The following PRKG1 variants were observed in gnomAD, a reference collection of about 807,000 sequenced individuals.
The protein encoded by PRKG1 is cGMP-dependent protein kinase 1.
PRKG1 carries 35 observed loss-of-function variants against 88.1 expected under a neutral mutation model. That is an observed-to-expected ratio of 0.40 (90% confidence interval 0.30 to 0.53). The LOEUF is 0.53. Ranked by LOEUF, PRKG1 falls within the 20% of genes least tolerant of loss-of-function variation. The probability of loss-of-function intolerance (pLI) is 0.59; values close to 1 mark genes in which losing one functional copy is unlikely to be tolerated. For missense variants in PRKG1, 540 were observed against 839.8 expected, an observed-to-expected ratio of 0.64 and a Z score of 4.41; for synonymous variants, 303 against 292.5, an observed-to-expected ratio of 1.04 and a Z score of -0.37.
At chr10:51,618,675 A>G (rs1264470917) in intron 3 of PRKG1, among the ~76,000 whole-genome samples, 1 of 152,194 alleles carries the variant, frequency 6.6e-6, no homozygotes, top group Non-Finnish European at 1.5e-5. Flanking sequence ...TTTATGGGTA[A>G]TAGAGAGCCA....
chr10:51,605,028 G>C (rs767024698), intron 3 of PRKG1, among the ~76,000 whole-genome samples: 83 of 152,328 alleles, frequency 5.4e-4, no homozygotes, highest in Non-Finnish European at 6.2e-4. Flanking sequence ...CAGTGAGATG[G>C]ATTGGGAGCC....
chr10:51,991,148 G>T (rs1358761901), intron 5 of PRKG1, among the ~76,000 whole-genome samples: 1 of 152,028 alleles, frequency 6.6e-6, no homozygotes, highest in East Asian at 1.9e-4. Flanking sequence ...TTCTATTGGT[G>T]TATAGAAATG....
chr10:51,912,607 A>G (rs974441856), intron 5 of PRKG1, among the ~76,000 whole-genome samples: 65 of 152,228 alleles, frequency 4.3e-4, no homozygotes, highest in African/African-American at 1.5e-3. Flanking sequence ...AACAAGTGTA[A>G]CCAGACAAAA....
chr10:51,321,166 A>G (rs1841444967), intron 2 of PRKG1, among the ~76,000 whole-genome samples: 1 of 152,190 alleles, frequency 6.6e-6, no homozygotes, highest in Non-Finnish European at 1.5e-5. Context: ...ATAAGTTAGT[A>G]TTAGTGTGGT....
At chr10:51,062,212 G>A (rs1328904332) in intron 1 of PRKG1, among the ~76,000 whole-genome samples, 1 of 152,204 alleles carries the variant, frequency 6.6e-6, no homozygotes, top group African/African-American at 2.4e-5. Context: ...AGCAGTTAAA[G>A]TTTAGCCTCT....
intron 2 of PRKG1, among the ~76,000 whole-genome samples, chr10:51,163,587 C>T (rs546602787): frequency 8.4e-4 from 128 of 152,278 alleles, no homozygotes; most frequent in African/African-American, 2.8e-3. Flanking sequence ...CGAAGCAGGG[C>T]GAGGCATTGC....
chr10:52,284,588 G>C (rs1358904873), intron 14 of PRKG1, among the ~76,000 whole-genome samples: 2 of 151,986 alleles, frequency 1.3e-5, no homozygotes, highest in Non-Finnish European at 2.9e-5. Flanking sequence ...ACACTATGAA[G>C]TATGGCATGT....
chr10:51,382,321 A>G (rs947687558), intron 2 of PRKG1, among the ~76,000 whole-genome samples: 1 of 152,226 alleles, frequency 6.6e-6, no homozygotes, highest in Admixed American at 6.5e-5. Context: ...AGTAGTATCT[A>G]TGAAATCTTC....
At chr10:51,886,388 G>A (rs999699033) in intron 4 of PRKG1, among the ~76,000 whole-genome samples, 2 of 152,056 alleles carry the variant, frequency 1.3e-5, no homozygotes, top group African/African-American at 4.8e-5. Flanking sequence ...ATGGCAAAAG[G>A]ACTATTAGAA....
At chr10:51,104,547 T>G (rs1052812788) in intron 1 of PRKG1, among the ~76,000 whole-genome samples, 1 of 152,054 alleles carries the variant, frequency 6.6e-6, no homozygotes, top group Non-Finnish European at 1.5e-5. Flanking sequence ...TGAGATGGAG[T>G]TTCACTCTGT....
At chr10:51,790,603 A>G (rs552291105) in intron 3 of PRKG1, among the ~76,000 whole-genome samples, 22 of 152,280 alleles carry the variant, frequency 1.4e-4, no homozygotes, top group African/African-American at 5.3e-4. Context: ...TGAATCCCCT[A>G]GAGTCTTTAA....
At chr10:52,012,245 C>CTT (rs34119029) in intron 5 of PRKG1, among the ~76,000 whole-genome samples, 25,928 of 138,966 alleles carry the variant, frequency 0.19, 2,638 homozygotes, top group East Asian at 0.31. Flanking sequence ...ATTTATTTGC[C>CTT]TTTTTTTTTT....
chr10:52,007,857 G>A (rs942290920), intron 5 of PRKG1, among the ~76,000 whole-genome samples: 11 of 151,888 alleles, frequency 7.2e-5, no homozygotes, highest in Admixed American at 5.3e-4. Context: ...TTCTAAAATG[G>A]TACACACTCT....
Position 52,239,375 on chromosome 10 carries a change from G to C in PRKG1, c.1077-12195G>C, listed in dbSNP as rs537612790. On this transcript the variant is annotated intron_variant, in intron 9 of 17. Transcript: ENST00000373980. ...AAAAAAAAGAGATTCCTTTTTTTGAGAATAAATTTTAATTGGTTATGGTTT... is the reference window on the plus strand; with the variant it reads ...AAAAAAAAGAGATTCCTTTTTTTGACAATAAATTTTAATTGGTTATGGTTT... Among the ~76,000 whole-genome samples, 518 of 140,836 alleles carry C rather than the reference G, an allele frequency of 3.7e-3. 1 individual carries two copies. Among genetic ancestry groups the C allele is most frequent in the Middle Eastern group, 7.2e-3 (2 of 278 alleles). The allele number at this position is 140,836 out of a possible 152,430, so 92.4% of individuals were successfully genotyped here.
At position 51,284,327 on chromosome 10, in the gene PRKG1, A is replaced by G. The variant is rs143164309; in HGVS notation, c.478+130997A>G. Among the ~76,000 whole-genome samples, 388 of 152,336 alleles carry G rather than the reference A, an allele frequency of 2.5e-3. 2 individuals are homozygous for G. Among genetic ancestry groups the G allele is most frequent in the Admixed American group, 4.9e-3 (75 of 15,294 alleles). On this transcript the variant is annotated intron_variant, in intron 2 of 17. Coordinates refer to ENST00000373980, the MANE Select transcript of PRKG1 (RefSeq NM_006258.4). Reference sequence around the variant, plus strand: ...CCTCCAACAGCCACATTGTAAAGACATTATTATTAGCCCCACTTTACGTAC... The same window carrying G: ...CCTCCAACAGCCACATTGTAAAGACGTTATTATTAGCCCCACTTTACGTAC...
chr10:52,199,692 T>C (rs1017176744), intron 9 of PRKG1, among the ~76,000 whole-genome samples: 2 of 152,078 alleles, frequency 1.3e-5, no homozygotes, highest in Admixed American at 1.3e-4. Context: ...CTGGATTTAC[T>C]CCGTGACCCC....
chr10:51,142,028 C>A (rs560153074), intron 1 of PRKG1, among the ~76,000 whole-genome samples: 10 of 152,106 alleles, frequency 6.6e-5, no homozygotes, highest in African/African-American at 2.4e-4. Flanking sequence ...GATCTCCATC[C>A]AAATTGATAA....
At position 51,698,938 on chromosome 10, in the gene PRKG1, T is replaced by C. The variant is rs146358831; in HGVS notation, c.593-105647T>C. 2.3e-4 allele frequency: 374 copies of C among 1,614,186 alleles called. 3 individuals carry two copies. In the South Asian group the frequency reaches 3.9e-3, roughly 17 times the overall value. ...GGCCAGAGACAGACACAGACTGAGA[T>C]TTGCCTGGGATCAGTGGTGTGACAT... On this transcript the variant is annotated intron_variant, in intron 3 of 17. Transcript: ENST00000373980.
chr10:51,254,206 A>G (rs1839497947), intron 2 of PRKG1, among the ~76,000 whole-genome samples: 1 of 152,004 alleles, frequency 6.6e-6, no homozygotes, highest in South Asian at 2.1e-4. Context: ...CTTTTGATTT[A>G]CAAGCTTGTA....
Sources: allele counts gnomAD v4.1 joint callset (sites outside exome capture counted in the v4.1 genomes callset), GRCh38; gene constraint gnomAD v4.1.1; transcripts MANE v1.5; gene names NCBI Gene and HGNC (gene_info 2026-07-23, HGNC 2026-07-21).